NRG1: variants seen among roughly 807,000 people sequenced by gnomAD.
NRG1 encodes pro-neuregulin-1, membrane-bound isoform.
NRG1 carries 18 observed loss-of-function variants against 63.8 expected under a neutral mutation model. The observed-to-expected ratio is 0.28, with a 90% confidence interval of 0.19 to 0.42. NRG1 has a LOEUF of 0.42. Among genes scored for constraint, NRG1 ranks in the 10% least tolerant of loss-of-function variants. The pLI, the probability that NRG1 is intolerant of heterozygous loss-of-function variation, is 1.00. For synonymous variants in NRG1, 302 were observed against 301.3 expected (o/e 1.00, Z -0.02); for missense variants, 762 against 814.7 (o/e 0.94, Z 0.79).
intron 1 of NRG1, among the ~76,000 whole-genome samples, chr8:32,273,687 G>A (rs1851790062): frequency 6.6e-6 from 1 of 152,076 alleles, no homozygotes; most frequent in Non-Finnish European, 1.5e-5. Flanking sequence ...TTTTAAATTT[G>A]TAATCATACA....
intron 1 of NRG1, among the ~76,000 whole-genome samples, chr8:31,941,662 G>C (rs1367001001): frequency 2.0e-5 from 3 of 152,018 alleles, no homozygotes; most frequent in Admixed American, 2.0e-4. Flanking sequence ...CCACCAAAAA[G>C]CTCCTAGAAC....
At chr8:32,548,999 C>T (rs1164248437) in intron 1 of NRG1, among the ~76,000 whole-genome samples, 173 bp downstream of exon 1, 1 of 152,314 alleles carries the variant, frequency 6.6e-6, no homozygotes, top group East Asian at 1.9e-4. Context: ...GGCCGCCGCT[C>T]ACCTGGGCGC....
At chr8:32,452,769 T>G (rs1821127216) in intron 1 of NRG1, among the ~76,000 whole-genome samples, 2 of 152,320 alleles carry the variant, frequency 1.3e-5, no homozygotes, top group African/African-American at 4.8e-5. Context: ...ATGTTCAATA[T>G]TTTGCTTAGA....
At position 31,665,504 on chromosome 8, in the gene NRG1, G is replaced by A. The variant is rs1806437087; in HGVS notation, c.37+26073G>A. ...TCTAGAACTATTGAAGGAATTTCAG[G>A]CAGAGAATGAGGTCAGCCAAACTAT... On this transcript the variant is annotated intron_variant, in intron 1 of 10. Coordinates refer to the NRG1 transcript ENST00000519301. Among the ~76,000 whole-genome samples the A allele has an allele frequency of 3.9e-5, 6 of 152,270 alleles. No homozygotes were observed. In the South Asian group the frequency reaches 1.2e-3, roughly 32 times the overall value.
intron 1 of NRG1, among the ~76,000 whole-genome samples, chr8:32,530,653 T>C (rs77700217): frequency 0.033 from 5,039 of 152,316 alleles, 120 homozygotes; most frequent in Non-Finnish European, 0.048. Context: ...ATTTGTTTTT[T>C]TTGTAACCAG....
intron 1 of NRG1, among the ~76,000 whole-genome samples, chr8:32,331,928 A>G (rs572641434): frequency 1.8e-4 from 27 of 152,290 alleles, no homozygotes; most frequent in African/African-American, 5.5e-4. Flanking sequence ...GTCAAATGGA[A>G]GTAAAACATA....
At chr8:32,586,113 C>T (rs953352670) in intron 1 of NRG1, among the ~76,000 whole-genome samples, 1 of 150,752 alleles carries the variant, frequency 6.6e-6, no homozygotes, top group Non-Finnish European at 1.5e-5. Context: ...AGTAGGTACT[C>T]AAGTATCAGC....
At chr8:31,817,141 A>G (rs966953500) in intron 1 of NRG1, among the ~76,000 whole-genome samples, 3 of 152,366 alleles carry the variant, frequency 2.0e-5, no homozygotes, top group Admixed American at 2.0e-4. Flanking sequence ...GGCCTAAAGA[A>G]CTTGGCAAAT....
intron 1 of NRG1, among the ~76,000 whole-genome samples, chr8:32,186,836 C>A (rs993010137): frequency 6.6e-6 from 1 of 152,204 alleles, no homozygotes; most frequent in African/African-American, 2.4e-5. Context: ...CCAGCCCAGC[C>A]TCTCTGCCCT....
At chr8:32,521,392 G>A (rs546435772) in intron 1 of NRG1, among the ~76,000 whole-genome samples, 1 of 152,220 alleles carries the variant, frequency 6.6e-6, no homozygotes, top group South Asian at 2.1e-4. Context: ...GAAAATTAAG[G>A]TAATCAAGGG....
At chr8:31,711,139 C>T (rs187682641) in intron 1 of NRG1, among the ~76,000 whole-genome samples, 1,918 of 152,178 alleles carry the variant, frequency 0.013, 22 homozygotes, top group Non-Finnish European at 0.018. Context: ...TCCCCTCCTT[C>T]GCATTTTTAA....
chr8:32,049,527 CTTCTT>C (rs940967728), intron 1 of NRG1, among the ~76,000 whole-genome samples: 1 of 152,258 alleles, frequency 6.6e-6, no homozygotes, highest in East Asian at 1.9e-4. Context: ...GAAATACTAT[CTTCTT>C]TTCATTACCA....
chr8:32,159,251 T>G (rs967915463), intron 1 of NRG1, among the ~76,000 whole-genome samples: 1 of 152,212 alleles, frequency 6.6e-6, no homozygotes, highest in Non-Finnish European at 1.5e-5. Flanking sequence ...AGAAAAAGGC[T>G]TGGCCGGGCG....
At chr8:31,898,033 AAAG>A (rs1262505712) in intron 1 of NRG1, among the ~76,000 whole-genome samples, 33 of 151,278 alleles carry the variant, frequency 2.2e-4, no homozygotes, top group Non-Finnish European at 3.4e-4. Flanking sequence ...AAAAAAAAAA[AAAG>A]AGAGAGAAGG....
At chr8:32,666,678 G>A (rs112310476) in intron 5 of NRG1, among the ~76,000 whole-genome samples, 5,979 of 152,196 alleles carry the variant, frequency 0.039, 401 homozygotes, top group African/African-American at 0.13. Context: ...ATTGTTAGGC[G>A]TACAGTTTGG....
intron 1 of NRG1, among the ~76,000 whole-genome samples, chr8:31,761,807 G>A (rs1817587694): frequency 1.3e-5 from 2 of 152,160 alleles, no homozygotes; most frequent in African/African-American, 2.4e-5. Context: ...AATGTGACAC[G>A]GAGAGATGAA....
Position 32,742,368 on chromosome 8 carries a change from A to C in NRG1, c.633-307A>C, listed in dbSNP as rs116507940. The stretch of plus-strand genomic sequence containing the variant: ...CAACGTGTGTGACCAAAGCCATCAT[A>C]TGGAAAACTGAGATGAATAAAACAT... On this transcript the variant is annotated intron_variant, in intron 6 of 11. Coordinates refer to ENST00000356819, the Ensembl canonical transcript of NRG1. The surrounding 1 kb of genome is among the most constrained non-coding windows in gnomAD (Gnocchi z 4.2). Among the ~76,000 whole-genome samples the C allele has an allele frequency of 1.9e-4, 29 of 152,270 alleles. No homozygotes were observed. Among genetic ancestry groups the C allele is most frequent in the African/African-American group, 7.0e-4 (29 of 41,566 alleles).
chr8:31,702,937 G>A (rs1274149432), intron 1 of NRG1, among the ~76,000 whole-genome samples: 1 of 151,646 alleles, frequency 6.6e-6, no homozygotes, highest in Non-Finnish European at 1.5e-5. Context: ...GGCTGAGACT[G>A]TGTTTATGCT....
intron 1 of NRG1, among the ~76,000 whole-genome samples, chr8:31,853,113 T>C (rs1203981024): frequency 2.0e-5 from 3 of 152,168 alleles, no homozygotes; most frequent in East Asian, 1.9e-4. Flanking sequence ...TGGTTCCATA[T>C]GAACTTTAAA....
Sources: allele counts gnomAD v4.1 joint callset (sites outside exome capture counted in the v4.1 genomes callset), GRCh38; gene constraint gnomAD v4.1.1; non-coding constraint Gnocchi (gnomAD v3.1); transcripts MANE v1.5; gene names NCBI Gene and HGNC (gene_info 2026-07-23, HGNC 2026-07-21).